Variants in WDR89 observed in about 807,000 individuals in gnomAD.
The protein encoded by WDR89 is WD repeat-containing protein 89.
A neutral mutation model predicts 29.1 loss-of-function variants in WDR89; 17 were observed. The observed-to-expected ratio is 0.58, with a 90% CI of 0.40 to 0.88. WDR89 has a LOEUF of 0.88. Ranked by LOEUF, WDR89 falls within the 40% of genes least tolerant of loss-of-function variation. The pLI, the probability that WDR89 is intolerant of heterozygous loss-of-function variation, is 0.00. For synonymous variants in WDR89, 138 were observed against 157.8 expected (o/e 0.87, Z 0.94); for missense variants, 396 against 456.3 (o/e 0.87, Z 1.20).
At chr14:63,608,036 T>G (rs921471018) in intron 2 of WDR89, among the ~76,000 whole-genome samples, 1 of 151,494 alleles carries the variant, frequency 6.6e-6, no homozygotes, top group African/African-American at 2.4e-5. Context: ...TGAAACCCCA[T>G]CTCTACTAAG....
chr14:63,605,950 C>T (rs1240789255), intron 2 of WDR89, among the ~76,000 whole-genome samples: 3 of 151,926 alleles, frequency 2.0e-5, no homozygotes, highest in African/African-American at 4.8e-5. Flanking sequence ...TAGAAGACCA[C>T]AAAATTGATG....
chr14:63,625,815 T>C (rs1359429924), intron 1 of WDR89, among the ~76,000 whole-genome samples: 1 of 151,886 alleles, frequency 6.6e-6, no homozygotes, highest in East Asian at 1.9e-4. Context: ...AATCACATTT[T>C]AAACACAAAG....
At chr14:63,641,185 T>C (rs573099284) in intron 1 of WDR89, 3 of 152,050 alleles carry the variant, frequency 2.0e-5, no homozygotes, top group Non-Finnish European at 4.4e-5. Context: ...CTTTTAATTT[T>C]ACATCCATGG....
intron 1 of WDR89, chr14:63,630,756 AAATTCATG>A (rs1883347854): frequency 1.3e-5 from 2 of 152,086 alleles, no homozygotes; most frequent in Non-Finnish European, 2.9e-5. Context: ...GATGACATGA[AAATTCATG>A]AAGTATTCCA....
Position 63,599,257 on chromosome 14 carries a change from T to C in WDR89, c.686A>G (p.Tyr229Cys), listed in dbSNP as rs1894931090. 2 of 1,611,272 alleles carry C rather than the reference T, an allele frequency of 1.2e-6. No homozygotes were observed. Among genetic ancestry groups the C allele is most frequent in the African/African-American group, 2.7e-5 (2 of 74,998 alleles). The change falls in exon 3 of 3, where the codon TAT becomes TGT. Residue 229 changes from tyrosine to cysteine, a missense_variant. By Grantham distance (194) the Tyr-to-Cys change is radical. Coordinates refer to ENST00000620954, the MANE Select transcript of WDR89 (RefSeq NM_080666.4). ...ATGTGTCATGCAGTAAATCTGTTTA[T>C]AACCTTTCCCAGACCAACCAATACA... ...VSCIGWSGKG[Y>C]KQIYCMTHDE...
intron 1 of WDR89, among the ~76,000 whole-genome samples, chr14:63,636,153 G>A (rs770791224): frequency 3.9e-5 from 6 of 152,124 alleles, no homozygotes; most frequent in Non-Finnish European, 7.3e-5. Context: ...AGGTTGCAGT[G>A]AGCCAGAGCA....
At chr14:63,638,137 G>C (rs949103902) in intron 1 of WDR89, among the ~76,000 whole-genome samples, 4 of 151,986 alleles carry the variant, frequency 2.6e-5, no homozygotes, top group African/African-American at 9.7e-5. Flanking sequence ...TAGAGACAGG[G>C]TTTTGCCATG....
chr14:63,630,283 T>C (rs1883312444), intron 1 of WDR89, among the ~76,000 whole-genome samples: 1 of 151,722 alleles, frequency 6.6e-6, no homozygotes, highest in African/African-American at 2.4e-5. Flanking sequence ...ATTTACAATG[T>C]AGAAGATGGA....
intron 1 of WDR89, among the ~76,000 whole-genome samples, chr14:63,628,657 G>C (rs181426739): frequency 6.6e-6 from 1 of 152,046 alleles, no homozygotes; most frequent in East Asian, 1.9e-4. Context: ...TTAAGAAAAA[G>C]AAAAAAATAA....
At chr14:63,601,763 G>T in intron 2 of WDR89, 3 of 1,320,972 alleles carry the variant, frequency 2.3e-6, no homozygotes, top group Non-Finnish European at 3.3e-6. Flanking sequence ...TAGATGACAA[G>T]GATTATTTCC....
At chr14:63,623,197 CAA>C (rs35075730) in intron 2 of WDR89, among the ~76,000 whole-genome samples, 11,136 of 71,612 alleles carry the variant, frequency 0.16, 553 homozygotes, top group African/African-American at 0.24. Context: ...AACCAGGTCT[CAA>C]AAAAAAAAAA....
Position 63,599,658 on chromosome 14 carries a change from T to C in WDR89, c.285A>G (p.Lys95=). The C allele has an allele frequency of 1.2e-6, 2 of 1,614,222 alleles. No homozygotes were observed. Among genetic ancestry groups the C allele is most frequent in the Non-Finnish European group, 1.7e-6 (2 of 1,180,036 alleles). The change falls in exon 3 of 3, where the codon AAA becomes AAG. Residue 95 remains lysine, a synonymous_variant. Coordinates refer to ENST00000620954, the MANE Select transcript of WDR89 (RefSeq NM_080666.4). ...VYSACTDGTV[K]CWDARVAREK... Reference sequence around the variant, plus strand: ...CTCTGGCTACTCGAGCATCCCAGCATTTCACAGTGCCATCAGTACATGCTG... The same window carrying C: ...CTCTGGCTACTCGAGCATCCCAGCACTTCACAGTGCCATCAGTACATGCTG...
At position 63,622,035 on chromosome 14, in the gene WDR89, G is replaced by A. The variant is rs61984039; in HGVS notation, c.-32+2893C>T. On this transcript the variant is annotated intron_variant, in intron 2 of 2. Transcript: ENST00000620954. Reference sequence around the variant, plus strand: ...AGAGCACTGGGAATGGTAAACATGAGGGTAAATATAAGACATTTTTTCCTT... The same window carrying A: ...AGAGCACTGGGAATGGTAAACATGAAGGTAAATATAAGACATTTTTTCCTT... Among the ~76,000 whole-genome samples the A allele has an allele frequency of 5.9e-3, 903 of 152,292 alleles. 5 individuals are homozygous for A. The highest frequency in any genetic ancestry group is 9.5e-3 in the Non-Finnish European group (645 of 68,030).
At chr14:63,623,441 C>T (rs972438306) in intron 2 of WDR89, among the ~76,000 whole-genome samples, 2 of 151,382 alleles carry the variant, frequency 1.3e-5, no homozygotes, top group Admixed American at 6.6e-5. Context: ...TGGTGGTTCA[C>T]GCCTGTAATC....
At chr14:63,627,266 T>A (rs149112591) in intron 1 of WDR89, among the ~76,000 whole-genome samples, 115 of 151,662 alleles carry the variant, frequency 7.6e-4, no homozygotes, top group African/African-American at 2.6e-3. Context: ...AATCCAACAA[T>A]CTCCCATAAG....
chr14:63,602,214 C>T (rs1396182203), intron 2 of WDR89, among the ~76,000 whole-genome samples: 2 of 152,154 alleles, frequency 1.3e-5, no homozygotes, highest in African/African-American at 4.8e-5. Context: ...GTGGCTCATG[C>T]CTGTAATCCC....
At chr14:63,623,635 C>T (rs1284530237) in intron 2 of WDR89, among the ~76,000 whole-genome samples, 6 of 124,882 alleles carry the variant, frequency 4.8e-5, no homozygotes, top group East Asian at 2.8e-4. Flanking sequence ...ACCCAGGAGG[C>T]GGAGGTTGCA....
At chr14:63,608,729 T>C (rs931626442) in intron 2 of WDR89, among the ~76,000 whole-genome samples, 1 of 151,862 alleles carries the variant, frequency 6.6e-6, no homozygotes, top group South Asian at 2.1e-4. Context: ...CCCCTAGTGC[T>C]GGCAATTTGG....
chr14:63,611,464 C>G lies in WDR89; in HGVS notation c.-31-11491G>C, dbSNP rs189439796. Among the ~76,000 whole-genome samples the G allele has an allele frequency of 1.9e-3, 290 of 151,396 alleles. 2 individuals are homozygous for G. Among genetic ancestry groups the G allele is most frequent in the African/African-American group, 6.1e-3 (252 of 41,270 alleles). On this transcript the variant is annotated intron_variant, in intron 2 of 2. Transcript: ENST00000620954. ...TTCAATATGGTATCCTTGATTAGAT[C>G]CTGGACTAGTAAAAGGACATTCATG... is the stretch of plus-strand genomic sequence containing the variant.
Sources: gnomAD v4.1 joint callset for allele counts (sites outside exome capture counted in the v4.1 genomes callset) on GRCh38, gnomAD v4.1.1 for gene constraint, MANE v1.5 for transcripts, NCBI Gene and HGNC (gene_info 2026-07-23, HGNC 2026-07-21) for gene names.